Variants in NKAIN3 observed in about 807,000 individuals in gnomAD.
NKAIN3 encodes the protein sodium/potassium transporting ATPase interacting 3, also known as sodium/potassium-transporting ATPase subunit beta-1-interacting protein 3.
NKAIN3 carries 25 observed loss-of-function variants against 30.2 expected under a neutral mutation model. The observed-to-expected ratio is 0.83, with a 90% CI of 0.60 to 1.16. The LOEUF is 1.16. Among genes scored for constraint, NKAIN3 ranks in the 50% most tolerant of loss-of-function variants. The pLI is 0.00. For synonymous variants in NKAIN3, 91 were observed against 89.6 expected (o/e 1.02, Z -0.09); for missense variants, 225 against 254.1 (o/e 0.89, Z 0.78).
intron 4 of NKAIN3, among the ~76,000 whole-genome samples, chr8:62,858,036 C>CTTA (rs1820114062): frequency 1.3e-5 from 2 of 151,332 alleles, no homozygotes. Flanking sequence ...GGGATTTTTT[C>CTTA]TTGTTGTTGT....
At chr8:62,991,621 T>G (rs760388279) in intron 5 of NKAIN3, among the ~76,000 whole-genome samples, 42 of 152,162 alleles carry the variant, frequency 2.8e-4, no homozygotes, top group Non-Finnish European at 5.4e-4. Flanking sequence ...ATGACTTCAT[T>G]AAGTTTGTTT....
intron 1 of NKAIN3, among the ~76,000 whole-genome samples, chr8:62,560,711 T>TA (rs563780989): frequency 2.3e-3 from 347 of 151,766 alleles, no homozygotes; most frequent in Non-Finnish European, 3.3e-3. Flanking sequence ...GGCTAATTTT[T>TA]ATATTTTTTA....
intron 4 of NKAIN3, among the ~76,000 whole-genome samples, chr8:62,811,325 G>A (rs1818481479): frequency 6.6e-6 from 1 of 152,028 alleles, no homozygotes; most frequent in Admixed American, 6.6e-5. Context: ...AAGCTGTTAT[G>A]AACATTTATG....
intron 1 of NKAIN3, among the ~76,000 whole-genome samples, chr8:62,301,739 T>C (rs1814057086): frequency 6.6e-6 from 1 of 152,088 alleles, no homozygotes; most frequent in Non-Finnish European, 1.5e-5. Flanking sequence ...ATAGAACCGG[T>C]TTCCCAGAAA....
intron 5 of NKAIN3, among the ~76,000 whole-genome samples, chr8:62,998,545 G>GA (rs2130938980): frequency 6.6e-6 from 1 of 152,290 alleles, no homozygotes; most frequent in East Asian, 1.9e-4. Context: ...AAATTGCTGG[G>GA]ATTACAGGTG....
At chr8:62,539,689 A>G (rs1484426445) in intron 1 of NKAIN3, among the ~76,000 whole-genome samples, 1 of 152,144 alleles carries the variant, frequency 6.6e-6, no homozygotes, top group Non-Finnish European at 1.5e-5. Flanking sequence ...GCGTGAGCTC[A>G]AGCAATCCTC....
At chr8:62,751,370 G>A (rs1373009986) in intron 4 of NKAIN3, among the ~76,000 whole-genome samples, 1 of 152,144 alleles carries the variant, frequency 6.6e-6, no homozygotes, top group Non-Finnish European at 1.5e-5. Flanking sequence ...TAAAACCTCT[G>A]TCCGGCGTTT....
chr8:62,810,367 TA>T (rs1237978397), intron 4 of NKAIN3, among the ~76,000 whole-genome samples: 1 of 151,698 alleles, frequency 6.6e-6, no homozygotes, highest in Admixed American at 6.6e-5. Context: ...ATTTCTCAGG[TA>T]AAAAAGTGTT....
At chr8:62,514,042 A>G (rs1416311408) in intron 1 of NKAIN3, among the ~76,000 whole-genome samples, 1 of 152,036 alleles carries the variant, frequency 6.6e-6, no homozygotes, top group East Asian at 1.9e-4. Flanking sequence ...CTCAATGTGA[A>G]ATGTTAGGGC....
chr8:62,783,126 ATAAT>A (rs1817406106), intron 4 of NKAIN3, among the ~76,000 whole-genome samples: 1 of 152,146 alleles, frequency 6.6e-6, no homozygotes, highest in East Asian at 1.9e-4. Flanking sequence ...ATGCACAAAA[ATAAT>A]TGATAACAGA....
At chr8:62,539,590 TG>T (rs2129881816) in intron 1 of NKAIN3, among the ~76,000 whole-genome samples, 1 of 152,278 alleles carries the variant, frequency 6.6e-6, no homozygotes, top group Admixed American at 6.5e-5. Flanking sequence ...TTTGTTTGTT[TG>T]TTTGTTTGTT....
At chr8:62,505,788 C>T (rs1807614129) in intron 1 of NKAIN3, among the ~76,000 whole-genome samples, 1 of 152,056 alleles carries the variant, frequency 6.6e-6, no homozygotes, top group African/African-American at 2.4e-5. Context: ...GCTGCTACAA[C>T]AAATTACCAC....
intron 1 of NKAIN3, among the ~76,000 whole-genome samples, chr8:62,380,248 AT>A (rs1440043603): frequency 6.6e-6 from 1 of 152,166 alleles, no homozygotes; most frequent in Non-Finnish European, 1.5e-5. Context: ...AATAGTTTGC[AT>A]TTTCAAAGGA....
intron 1 of NKAIN3, among the ~76,000 whole-genome samples, chr8:62,323,468 A>G (rs1252591805): frequency 2.6e-5 from 4 of 152,256 alleles, no homozygotes; most frequent in Non-Finnish European, 4.4e-5. Context: ...GGAAACAAGA[A>G]TAAATAACAA....
chr8:62,489,331 G>A (rs898148492), intron 1 of NKAIN3, among the ~76,000 whole-genome samples: 30 of 152,030 alleles, frequency 2.0e-4, no homozygotes, highest in African/African-American at 6.8e-4. Context: ...AGCTGTCTAA[G>A]TCTTAAAGTG....
intron 1 of NKAIN3, among the ~76,000 whole-genome samples, chr8:62,543,360 C>T (rs1585926686): frequency 1.3e-5 from 2 of 152,136 alleles, no homozygotes; most frequent in Non-Finnish European, 2.9e-5. Flanking sequence ...CCCTTCCATG[C>T]CCACTTCAGA....
chr8:62,923,022 T>C (rs1822328942), intron 5 of NKAIN3, among the ~76,000 whole-genome samples: 1 of 152,084 alleles, frequency 6.6e-6, no homozygotes, highest in Non-Finnish European at 1.5e-5. Context: ...GTTGGCTGGG[T>C]GTGGTGGCTC....
At chr8:62,797,345 C>A (rs1183349256) in intron 4 of NKAIN3, among the ~76,000 whole-genome samples, 1 of 152,152 alleles carries the variant, frequency 6.6e-6, no homozygotes, top group African/African-American at 2.4e-5. Flanking sequence ...GTGAATTTAG[C>A]AGCAGGCACT....
Position 62,890,900 on chromosome 8 carries a change from A to G in NKAIN3, c.472-27553A>G, listed in dbSNP as rs191037960. Among the ~76,000 whole-genome samples the G allele has an allele frequency of 1.5e-3, 230 of 152,346 alleles. 1 individual carries two copies. Among genetic ancestry groups the G allele is most frequent in the African/African-American group, 4.8e-3 (200 of 41,592 alleles). On this transcript the variant is annotated intron_variant, in intron 4 of 6. Coordinates refer to ENST00000623646, the MANE Select transcript of NKAIN3 (RefSeq NM_001304533.3). ...AATTTTATCCCTTTATGATTGTTAA[A>G]TGGCTTTGTCCCTTTAATTTTCTAT...
Sources: allele counts gnomAD v4.1 joint callset (sites outside exome capture counted in the v4.1 genomes callset), GRCh38; gene constraint gnomAD v4.1.1; transcripts MANE v1.5; gene names NCBI Gene and HGNC (gene_info 2026-07-23, HGNC 2026-07-21).